The following STIL variants were observed in gnomAD, a reference collection of about 807,000 sequenced individuals.
The protein encoded by STIL is STIL centriolar assembly protein.
Under a neutral mutation model 110.1 loss-of-function variants are expected in STIL, and 55 were observed. The observed-to-expected ratio is 0.50, with a 90% CI of 0.40 to 0.63. STIL has a LOEUF of 0.63. STIL is among the 20% of genes least tolerant of loss of function. The probability of loss-of-function intolerance (pLI) is 0.00; values close to 1 mark genes in which losing one functional copy is unlikely to be tolerated. For missense variants in STIL, 1,358 were observed against 1,530.0 expected (o/e 0.89, Z 1.87); for synonymous variants, 481 against 530.0 (o/e 0.91, Z 1.27).
chr1:47,298,111 C>T (rs998130588), intron 6 of STIL, among the ~76,000 whole-genome samples: 4 of 152,148 alleles, frequency 2.6e-5, no homozygotes, highest in African/African-American at 7.2e-5. Flanking sequence ...TCAGAAAGCA[C>T]AGCTCTGGTC....
intron 12 of STIL, among the ~76,000 whole-genome samples, chr1:47,277,373 T>TA (rs1403432813): frequency 2.0e-5 from 3 of 152,176 alleles, no homozygotes; most frequent in Non-Finnish European, 4.4e-5. Context: ...AGGGCCAAGG[T>TA]AAAGCATTTG....
intron 16 of STIL, among the ~76,000 whole-genome samples, chr1:47,253,788 T>C (rs1557698466): frequency 6.6e-6 from 1 of 152,164 alleles, no homozygotes; most frequent in African/African-American, 2.4e-5. Flanking sequence ...TAGCCACTGC[T>C]TGCATTCACA....
chr1:47,314,463 CGGA>C (rs1646229970), upstream of STIL, among the ~76,000 whole-genome samples: 1 of 152,156 alleles, frequency 6.6e-6, no homozygotes, highest in Non-Finnish European at 1.5e-5. Context: ...GCTAGGTAGA[CGGA>C]GGAGCGAGTG....
intron 16 of STIL, among the ~76,000 whole-genome samples, chr1:47,253,350 C>T (rs998679562): frequency 6.6e-6 from 1 of 152,076 alleles, no homozygotes; most frequent in Admixed American, 6.6e-5. Context: ...AATCAATGCT[C>T]GATTCTTATT....
At chr1:47,306,585 T>A (rs1645967756) in intron 2 of STIL, among the ~76,000 whole-genome samples, 1 of 152,258 alleles carries the variant, frequency 6.6e-6, no homozygotes, top group Non-Finnish European at 1.5e-5. Context: ...GATTTCCAGA[T>A]AATTGTTAGA....
In STIL at chr1:47,257,395, G is replaced by A. The variant is rs1445826133; in HGVS notation, c.3080+2894C>T. On this transcript the variant is annotated intron_variant, in intron 16 of 16. Coordinates refer to ENST00000371877, the MANE Select transcript of STIL (RefSeq NM_001048166.1). ...TGTGGTCCCAGCTACTCAAAAAGCT[G>A]AGGCAGGAGGATTGGCTTCAGCCCA... Among the ~76,000 whole-genome samples the A allele has an allele frequency of 2.0e-5, 3 of 152,130 alleles. No homozygotes were observed. The East Asian group carries it at 5.8e-4, about 29-fold the overall frequency.
chr1:47,280,861 C>A lies in STIL; in HGVS notation c.1597G>T (p.Asp533Tyr). Residue 533 changes from aspartate to tyrosine, a missense_variant, in exon 12 of 17, where the codon GAT becomes TAT. Physicochemically the swap from Asp to Tyr is radical, Grantham distance 160. Coordinates refer to ENST00000371877, the MANE Select transcript of STIL (RefSeq NM_001048166.1). Reference protein sequence around the residue: ...KPSSHNGPSHDIFEKLQTVSA... With the variant: ...KPSSHNGPSHYIFEKLQTVSA... ...ACTGTTTGGAGCTTTTCAAATATAT[C>A]ATGAGATGGCCCATTATGAGAAGAT... The A allele has an allele frequency of 3.7e-6, 6 of 1,614,192 alleles. No individual in the cohort carries two copies. Among genetic ancestry groups the A allele is most frequent in the Non-Finnish European group, 5.1e-6 (6 of 1,180,044 alleles).
At position 47,281,140 on chromosome 1, in the gene STIL, G is replaced by A; in HGVS notation, c.1318C>T (p.Pro440Ser). Residue 440 changes from proline to serine, a missense_variant, in exon 12 of 17, where the codon CCT (proline) becomes TCT (serine). Transcript: ENST00000371877. ...VLDGNFIESNPLPTPLEMVNN... is the reference protein window; with the variant it reads ...VLDGNFIESNSLPTPLEMVNN... ...ACCATTTCCAATGGAGTAGGCAGAG[G>A]GTTTGATTCTATGAAATTGCCATCC... 6.2e-7 allele frequency: 1 copy of A among 1,613,900 alleles called. No homozygotes were observed. The highest frequency in any genetic ancestry group is 8.5e-7 in the Non-Finnish European group (1 of 1,179,982).
chr1:47,256,780 A>C (rs1432225971), intron 16 of STIL, among the ~76,000 whole-genome samples: 1 of 151,966 alleles, frequency 6.6e-6, no homozygotes, highest in East Asian at 1.9e-4. Context: ...GGATCATCTG[A>C]GGTTGGGAGT....
At chr1:47,254,879 CCATAAAGTAGTCAATAT>C (rs1644287145) in intron 16 of STIL, among the ~76,000 whole-genome samples, 1 of 152,080 alleles carries the variant, frequency 6.6e-6, no homozygotes, top group Non-Finnish European at 1.5e-5. Flanking sequence ...GTTAAAAGAT[CCATAAAGTAGTCAATAT>C]CAGTTTAGAA....
chr1:47,267,639 C>CTCCA lies in STIL; in HGVS notation c.2615+1992_2615+1995dup, dbSNP rs1276088691. On this transcript the variant is annotated intron_variant, in intron 14 of 16. Transcript: ENST00000371877. ...AGTGAGCCAAGATCACGCCACCGTA[C>CTCCA]TCCAGCCAGGGCGACAGAGCGAGTA... Among the ~76,000 whole-genome samples the CTCCA allele has an allele frequency of 1.3e-3, 189 of 142,912 alleles. No homozygotes were observed. The Middle Eastern group carries it at 0.024, about 18-fold the overall frequency. 93.8% of individuals were successfully genotyped at this position (142,912 alleles called of 152,430 possible).
chr1:47,261,235 A>C (rs1644475022), intron 15 of STIL, among the ~76,000 whole-genome samples: 1 of 151,456 alleles, frequency 6.6e-6, no homozygotes, highest in African/African-American at 2.4e-5. Flanking sequence ...TAAAAATACA[A>C]AAATTAGCCG....
At chr1:47,255,758 C>T (rs1052815795) in intron 16 of STIL, among the ~76,000 whole-genome samples, 2 of 152,134 alleles carry the variant, frequency 1.3e-5, no homozygotes, top group African/African-American at 4.8e-5. Flanking sequence ...TTCCAGACCT[C>T]GAACCCACAA....
intron 6 of STIL, among the ~76,000 whole-genome samples, chr1:47,297,544 G>A (rs1321718011): frequency 1.3e-5 from 2 of 151,810 alleles, no homozygotes; most frequent in African/African-American, 4.8e-5. Flanking sequence ...GCCATAATGG[G>A]CCCTAGTAAA....
At chr1:47,279,766 TG>T (rs1645105035) in intron 12 of STIL, among the ~76,000 whole-genome samples, 1 of 149,132 alleles carries the variant, frequency 6.7e-6, no homozygotes, top group African/African-American at 2.5e-5. Context: ...CTAAGAACTC[TG>T]CAACAGAGGT....
At chr1:47,294,547 T>A (rs1645586677) in intron 7 of STIL, among the ~76,000 whole-genome samples, 1 of 152,194 alleles carries the variant, frequency 6.6e-6, no homozygotes, top group Non-Finnish European at 1.5e-5. Context: ...TAGCCAGGCG[T>A]GATGGCCGGT....
chr1:47,289,659 C>G, intron 8 of STIL, 74 bp from the exon 9 acceptor site: 2 of 1,379,862 alleles, frequency 1.4e-6, no homozygotes, highest in Non-Finnish European at 2.1e-6. Context: ...TCATGTGAGT[C>G]TCCCAATCTA....
At chr1:47,312,309 T>C (rs571508049) in intron 1 of STIL, among the ~76,000 whole-genome samples, 48 of 152,004 alleles carry the variant, frequency 3.2e-4, no homozygotes, top group Non-Finnish European at 5.7e-4. Flanking sequence ...GCTAACACGA[T>C]GAAACCCCGT....
At chr1:47,280,114 T>C (rs1645114681) in intron 12 of STIL, 127 bp downstream of exon 12, 2 of 1,304,534 alleles carry the variant, frequency 1.5e-6, no homozygotes, top group Non-Finnish European at 1.1e-6. Context: ...TAGAATTCAG[T>C]TTCCAAGGTC....
Sources: gnomAD v4.1 joint callset for allele counts (sites outside exome capture counted in the v4.1 genomes callset) on GRCh38, gnomAD v4.1.1 for gene constraint, MANE v1.5 for transcripts, NCBI Gene and HGNC (gene_info 2026-07-23, HGNC 2026-07-21) for gene names.